Variants in CHLSN observed in about 807,000 individuals in gnomAD.
The protein encoded by CHLSN is protein cholesin.
chr7:1,112,719 A>G, the CHLSN span, among the ~76,000 whole-genome samples: 20 of 152,096 alleles, frequency 1.3e-4, no homozygotes, highest in East Asian at 1.4e-3. Flanking sequence ...AAAAAAAAAA[A>G]AAAAGAAAAA....
At chr7:1,015,127 G>A in the CHLSN span, among the ~76,000 whole-genome samples, 1 of 152,256 alleles carries the variant, frequency 6.6e-6, no homozygotes, top group Admixed American at 6.5e-5. Flanking sequence ...ACCTTCCCCA[G>A]CCGTGGCCTC....
the CHLSN span, among the ~76,000 whole-genome samples, chr7:1,013,370 T>A: frequency 6.6e-6 from 1 of 152,192 alleles, no homozygotes; most frequent in Non-Finnish European, 1.5e-5. Context: ...CACCAAAAAA[T>A]TTTTAAAAGA....
At chr7:1,002,432 G>A in the CHLSN span, among the ~76,000 whole-genome samples, 2 of 103,870 alleles carry the variant, frequency 1.9e-5, no homozygotes, top group Non-Finnish European at 3.9e-5. Context: ...CCTGTGGGTG[G>A]GGAGTCCTGT....
chr7:1,095,055 C>G, the CHLSN span, among the ~76,000 whole-genome samples: 2 of 151,346 alleles, frequency 1.3e-5, no homozygotes, highest in South Asian at 4.1e-4. Flanking sequence ...CACAGTCCTG[C>G]AGAACACCGT....
At chr7:1,010,497 G>A in the CHLSN span, among the ~76,000 whole-genome samples, 1 of 152,216 alleles carries the variant, frequency 6.6e-6, no homozygotes, top group Non-Finnish European at 1.5e-5. Context: ...CGGCCCCCAG[G>A]GAGGGCTGAA....
chr7:1,044,425 C>T, the CHLSN span, among the ~76,000 whole-genome samples: 1 of 152,152 alleles, frequency 6.6e-6, no homozygotes, highest in African/African-American at 2.4e-5. Context: ...CCTCACTGGT[C>T]CGAGCGGTTC....
chr7:1,023,997 T>G, the CHLSN span, among the ~76,000 whole-genome samples: 1 of 151,384 alleles, frequency 6.6e-6, no homozygotes, highest in Non-Finnish European at 1.5e-5. This position sits in a 1 kb window ranked among gnomAD's most constrained non-coding sequence, Gnocchi z 5.0. Flanking sequence ...TGTGCCACCA[T>G]GCCTGGCCAG....
the CHLSN span, among the ~76,000 whole-genome samples, chr7:1,072,405 G>A: frequency 1.3e-5 from 2 of 152,178 alleles, no homozygotes; most frequent in Non-Finnish European, 1.5e-5. Context: ...GCACACTCAC[G>A]GGACCACGAC....
the CHLSN span, among the ~76,000 whole-genome samples, chr7:1,099,007 G>A: frequency 2.2e-4 from 34 of 152,384 alleles, no homozygotes; most frequent in African/African-American, 7.9e-4. Flanking sequence ...AGCTGCCATT[G>A]AGACCACAGT....
chr7:991,874 T>C, the CHLSN span, among the ~76,000 whole-genome samples: 1 of 152,144 alleles, frequency 6.6e-6, no homozygotes, highest in African/African-American at 2.4e-5. Context: ...CCAGTCCTTC[T>C]CCTTCCTGGT....
chr7:1,088,504 G>A, the CHLSN span, among the ~76,000 whole-genome samples: 11 of 152,304 alleles, frequency 7.2e-5, no homozygotes, highest in East Asian at 1.4e-3. This position sits in a 1 kb window ranked among gnomAD's most constrained non-coding sequence, Gnocchi z 4.5. Flanking sequence ...CCGGAGCTCC[G>A]GTGGTCTCAG....
At chr7:1,112,205 C>T in the CHLSN span, among the ~76,000 whole-genome samples, 1 of 152,216 alleles carries the variant, frequency 6.6e-6, no homozygotes, top group Admixed American at 6.5e-5. Flanking sequence ...GAAGTGGATC[C>T]TGTTTTCTTT....
At chr7:996,692 G>A in the CHLSN span, among the ~76,000 whole-genome samples, 22 of 152,374 alleles carry the variant, frequency 1.4e-4, no homozygotes, top group African/African-American at 5.0e-4. Flanking sequence ...CCTTCCCGGT[G>A]CCCCGCGGCA....
the CHLSN span, chr7:1,093,549 C>A: frequency 6.4e-6 from 3 of 471,086 alleles, no homozygotes; most frequent in South Asian, 4.6e-5. Flanking sequence ...GCCGTCTGCT[C>A]CGGGGTGGTT....
At chr7:1,084,319 C>G in the CHLSN span, among the ~76,000 whole-genome samples, 1 of 152,242 alleles carries the variant, frequency 6.6e-6, no homozygotes, top group Non-Finnish European at 1.5e-5. Context: ...TGGGAAGGGG[C>G]TCTCGGCCTC....
At chr7:1,039,680 A>T in the CHLSN span, among the ~76,000 whole-genome samples, 1 of 66,670 alleles carries the variant, frequency 1.5e-5, no homozygotes, top group Non-Finnish European at 2.7e-5. Flanking sequence ...TGTGCCCAAC[A>T]GCTCATTGAG....
the CHLSN span, chr7:1,000,573 T>C: frequency 6.3e-7 from 1 of 1,585,428 alleles, no homozygotes; most frequent in Non-Finnish European, 8.6e-7. Context: ...AAGACAAACA[T>C]CTCAGGGTGC....
At chr7:1,042,104 A>C in the CHLSN span, among the ~76,000 whole-genome samples, 5 of 152,052 alleles carry the variant, frequency 3.3e-5, no homozygotes. Flanking sequence ...GAGCCTCGGC[A>C]GTGTGCGGGG....
the CHLSN span, among the ~76,000 whole-genome samples, chr7:1,068,131 G>A: frequency 6.6e-6 from 1 of 152,182 alleles, no homozygotes; most frequent in Admixed American, 6.5e-5. Flanking sequence ...GCCCACCTTA[G>A]CAGAGGGCAA....
Sources: gnomAD v4.1 joint callset for allele counts (sites outside exome capture counted in the v4.1 genomes callset) on GRCh38, gnomAD v4.1.1 for gene constraint, Gnocchi (gnomAD v3.1) non-coding constraint, MANE v1.5 for transcripts, NCBI Gene and HGNC (gene_info 2026-07-23, HGNC 2026-07-21) for gene names.